The following HELZ variants were observed in gnomAD, a reference collection of about 807,000 sequenced individuals.
The protein encoded by HELZ is ATP-dependent RNA helicase with zinc finger domain.
A neutral mutation model predicts 218.2 loss-of-function variants in HELZ; 23 were observed. The observed-to-expected ratio is 0.11, with a 90% CI of 0.08 to 0.15. The LOEUF (loss-of-function observed/expected upper bound fraction) is 0.15. Among genes scored for constraint, HELZ ranks in the 10% least tolerant of loss-of-function variants. HELZ has a pLI of 1.00. For synonymous variants in HELZ, 814 were observed against 829.4 expected (o/e 0.98, Z 0.32); for missense variants, 1,813 against 2,353.7 (o/e 0.77, Z 4.75).
intron 3 of HELZ, 125 bp from the exon 4 acceptor site, chr17:67,218,947 G>C: frequency 1.5e-6 from 1 of 645,560 alleles, no homozygotes; most frequent in Non-Finnish European, 2.7e-6. Context: ...TTTTGATCAA[G>C]GTCACAGCTA....
intron 24 of HELZ, among the ~76,000 whole-genome samples, chr17:67,127,653 G>C (rs964208219): frequency 6.6e-6 from 1 of 152,130 alleles, no homozygotes; most frequent in African/African-American, 2.4e-5. Context: ...TTTGAGACCA[G>C]CCTGGGCAAC....
chr17:67,232,309 A>G (rs1323531058), intron 3 of HELZ, among the ~76,000 whole-genome samples: 1 of 151,990 alleles, frequency 6.6e-6, no homozygotes, highest in Non-Finnish European at 1.5e-5. Flanking sequence ...ATAACCGGCT[A>G]TGCCCGGCTA....
chr17:67,135,617 C>T (rs1386781571), intron 23 of HELZ, among the ~76,000 whole-genome samples: 4 of 152,174 alleles, frequency 2.6e-5, no homozygotes, highest in Non-Finnish European at 4.4e-5. Context: ...ATTTAGTTTA[C>T]GGTAATCTTC....
chr17:67,112,116 C>T (rs529453989), intron 28 of HELZ, among the ~76,000 whole-genome samples: 38 of 152,286 alleles, frequency 2.5e-4, no homozygotes, highest in Non-Finnish European at 4.4e-4. Context: ...CCTGCATCTG[C>T]TACTATCAGA....
intron 17 of HELZ, among the ~76,000 whole-genome samples, chr17:67,156,845 G>A (rs751756125): frequency 1.8e-4 from 27 of 152,040 alleles, no homozygotes; most frequent in South Asian, 8.3e-4. Context: ...CATTTATATA[G>A]TATGGATATT....
rs1345365679 is a variant in HELZ at position 67,188,151 on chromosome 17, G to C, written c.1162+168C>G. The C allele has an allele frequency of 1.6e-6, 1 of 627,554 alleles. No homozygotes were observed. Among genetic ancestry groups the C allele is most frequent in the South Asian group, 2.2e-5 (1 of 45,042 alleles). The allele number at this position is 627,554 out of a possible 1,614,324, so 38.9% of individuals were successfully genotyped here. The stretch of plus-strand genomic sequence containing the variant: ...GGCTCTGTGAAGAAATCAGGGCACA[G>C]TGTGAATCATTATAAGCCCATTACA... On this transcript the variant is annotated intron_variant, in intron 12 of 32. Coordinates refer to ENST00000358691, the MANE Select transcript of HELZ (RefSeq NM_014877.4). This position sits in a 1 kb window ranked among gnomAD's most constrained non-coding sequence, Gnocchi z 4.1.
intron 13 of HELZ, among the ~76,000 whole-genome samples, chr17:67,172,765 C>T (rs2039349453): frequency 6.6e-6 from 1 of 152,102 alleles, no homozygotes; most frequent in South Asian, 2.1e-4. Flanking sequence ...ACCATCACGC[C>T]CAGCTAATTT....
intron 21 of HELZ, among the ~76,000 whole-genome samples, chr17:67,144,516 G>T (rs2038433512): frequency 6.7e-6 from 1 of 150,288 alleles, no homozygotes; most frequent in African/African-American, 2.4e-5. Context: ...GAGTAAAACT[G>T]ACAGTCCATG....
At chr17:67,205,360 A>C (rs1246186731) in intron 5 of HELZ, among the ~76,000 whole-genome samples, 4 of 151,626 alleles carry the variant, frequency 2.6e-5, no homozygotes, top group African/African-American at 9.7e-5. Context: ...GAAAAATGAC[A>C]CTCCTACTAA....
At chr17:67,179,066 G>A (rs1025372238) in intron 12 of HELZ, 140 bp from the exon 13 acceptor site, 1 of 564,708 alleles carries the variant, frequency 1.8e-6, no homozygotes, top group African/African-American at 1.9e-5. Context: ...ACAAAACAAT[G>A]CAAATACCCA....
At position 67,120,284 on chromosome 17, in the gene HELZ, C is replaced by A. The variant is rs552098630; in HGVS notation, c.3838+121G>T. The A allele has an allele frequency of 1.9e-5, 15 of 808,196 alleles. No individual in the cohort carries two copies. In the African/African-American group the frequency reaches 2.4e-4, roughly 13 times the overall value. 50.1% of individuals were successfully genotyped at this position (808,196 alleles called of 1,614,324 possible). On this transcript the variant is annotated intron_variant, in intron 27 of 32. Coordinates refer to ENST00000358691, the MANE Select transcript of HELZ (RefSeq NM_014877.4). Reference sequence around the variant, plus strand: ...CTCCCAAAGTGCTGGTAGATTCTCTCTCAAAGAGGTCTATAATCCATGAAA... The same window carrying A: ...CTCCCAAAGTGCTGGTAGATTCTCTATCAAAGAGGTCTATAATCCATGAAA...
chr17:67,235,333 C>T (rs1029602689), intron 3 of HELZ, among the ~76,000 whole-genome samples: 7 of 151,950 alleles, frequency 4.6e-5, no homozygotes, highest in Admixed American at 3.3e-4. Flanking sequence ...GGTGAAACCC[C>T]GTCTCTACTA....
rs1281876509 is a variant in HELZ, at chr17:67,076,014, A to G, written c.*2238T>C. 2.0e-5 allele frequency: 3 copies of G among 152,724 alleles called. No individual in the cohort carries two copies. The East Asian group carries it at 5.8e-4, about 29-fold the overall frequency. 9.5% of individuals were successfully genotyped at this position (152,724 alleles called of 1,614,324 possible). On this transcript the variant is annotated 3_prime_UTR_variant, in exon 33 of 33. Transcript: ENST00000358691. ...AACTAAATATAAATATAAATAATTT[A>G]AAAACTGATATTTTTTAAAGATTCA...
intron 8 of HELZ, 23 bp downstream of exon 8, chr17:67,195,396 G>A: frequency 6.7e-7 from 1 of 1,498,944 alleles, no homozygotes; most frequent in Non-Finnish European, 9.3e-7. Context: ...GCTACCAGAA[G>A]TTACACAGCA....
chr17:67,107,841 A>G (rs117014001), intron 30 of HELZ, among the ~76,000 whole-genome samples, 156 bp from the exon 31 acceptor site: 1,667 of 152,340 alleles, frequency 0.011, 19 homozygotes, highest in South Asian at 0.018. Flanking sequence ...TTAACACTCA[A>G]TAGATGCTGA....
intron 22 of HELZ, 32 bp from the exon 23 acceptor site, chr17:67,136,230 A>G: frequency 7.1e-7 from 1 of 1,403,784 alleles, no homozygotes; most frequent in Non-Finnish European, 1.0e-6. Flanking sequence ...AAAAGACTTA[A>G]GATTGTCATT....
chr17:67,219,863 G>A (rs1295255207), intron 3 of HELZ, among the ~76,000 whole-genome samples: 2 of 152,214 alleles, frequency 1.3e-5, no homozygotes, highest in African/African-American at 2.4e-5. Flanking sequence ...GTAAGAAATA[G>A]CAGGAGTTTA....
chr17:67,089,810 G>A (rs2036525628), intron 31 of HELZ, among the ~76,000 whole-genome samples: 2 of 150,164 alleles, frequency 1.3e-5, no homozygotes, highest in African/African-American at 4.9e-5. Context: ...AATCTCCCAA[G>A]GAATTGGGAG....
chr17:67,208,974 G>C (rs1156615823), intron 5 of HELZ, among the ~76,000 whole-genome samples: 1 of 125,474 alleles, frequency 8.0e-6, no homozygotes, highest in South Asian at 2.8e-4. Context: ...AAAGAGAAGA[G>C]AAGAGAAAAG....
Sources: gnomAD v4.1 joint callset for allele counts (sites outside exome capture counted in the v4.1 genomes callset) on GRCh38, gnomAD v4.1.1 for gene constraint, Gnocchi (gnomAD v3.1) non-coding constraint, MANE v1.5 for transcripts, NCBI Gene and HGNC (gene_info 2026-07-23, HGNC 2026-07-21) for gene names.